C9orf153: variants seen among roughly 807,000 people sequenced by gnomAD.
The protein encoded by C9orf153 is uncharacterized protein C9orf153.
C9orf153 carries 10 observed loss-of-function variants against 9.0 expected under a neutral mutation model. The observed-to-expected ratio is 1.11, with a 90% CI of 0.69 to 1.89. C9orf153 has a LOEUF of 1.89. Ranked by LOEUF, C9orf153 falls within the 40% of genes most tolerant of loss-of-function variation. The pLI is 0.00. For synonymous variants in C9orf153, 35 were observed against 37.3 expected (o/e 0.94, Z 0.23); for missense variants, 108 against 111.0 (o/e 0.97, Z 0.12).
rs891088787 is a variant in C9orf153, at chr9:86,228,024, C to A, written c.73G>T (p.Glu25Ter). ...EATLPQCSLP[E>*]LYACIENFNK... ...AAATTCTCAATACATGCATATAATT[C>A]TGGAAGCTGTGGACAAAAAAAAAAG... The change falls in exon 3 of 4, where the codon GAA becomes TAA. Residue 25 changes from glutamate to a stop codon, truncating the protein, a stop_gained. Coordinates refer to ENST00000339137, the MANE Select transcript of C9orf153 (RefSeq NM_001276366.4). LOFTEE classifies it high-confidence loss of function. 1 of 1,593,258 alleles carries A rather than the reference C, an allele frequency of 6.3e-7. No homozygotes were observed. The highest frequency in any genetic ancestry group is 1.4e-5 in the African/African-American group (1 of 73,970).
chr9:86,237,004 A>C (rs1824611489), intron 1 of C9orf153, among the ~76,000 whole-genome samples: 1 of 151,872 alleles, frequency 6.6e-6, no homozygotes, highest in Non-Finnish European at 1.5e-5. Context: ...GCTTATTATA[A>C]AATGAAACAA....
At chr9:86,223,937 G>A (rs1383803501) in intron 3 of C9orf153, among the ~76,000 whole-genome samples, 1 of 152,204 alleles carries the variant, frequency 6.6e-6, no homozygotes, top group Non-Finnish European at 1.5e-5. Context: ...GGAGGATGGA[G>A]AGAGATAAGT....
intron 2 of C9orf153, chr9:86,228,665 A>G (rs1824394981): frequency 6.6e-6 from 1 of 152,408 alleles, no homozygotes; most frequent in Non-Finnish European, 1.5e-5. Flanking sequence ...TACAAATCCT[A>G]TCCTTTCTAA....
intron 1 of C9orf153, among the ~76,000 whole-genome samples, chr9:86,243,092 A>T: frequency 6.6e-6 from 1 of 152,124 alleles, no homozygotes; most frequent in Non-Finnish European, 1.5e-5. Flanking sequence ...TACAGAAAGC[A>T]TGTGTTCCTT....
intron 2 of C9orf153, 57 bp from the exon 3 acceptor site, chr9:86,228,087 G>T: frequency 7.7e-7 from 1 of 1,301,128 alleles, no homozygotes. Flanking sequence ...TAATATTCTG[G>T]CAGACCTACA....
At chr9:86,253,144 A>G (rs1825031824) in intron 1 of C9orf153, among the ~76,000 whole-genome samples, 1 of 152,242 alleles carries the variant, frequency 6.6e-6, no homozygotes, top group Non-Finnish European at 1.5e-5. Context: ...AAATTCAATA[A>G]GAACCCGTTT....
chr9:86,254,580 C>G (rs919408235), intron 1 of C9orf153, among the ~76,000 whole-genome samples: 1 of 152,190 alleles, frequency 6.6e-6, no homozygotes, highest in African/African-American at 2.4e-5. Context: ...ACTTCAGAAA[C>G]TCTAGAACAG....
At chr9:86,246,807 T>G (rs1046868421) in intron 1 of C9orf153, among the ~76,000 whole-genome samples, 1 of 152,200 alleles carries the variant, frequency 6.6e-6, no homozygotes, top group African/African-American at 2.4e-5. Flanking sequence ...TACCCCACTC[T>G]CAGTTCTGTG....
At chr9:86,228,465 T>C (rs1824390390) in intron 2 of C9orf153, among the ~76,000 whole-genome samples, 1 of 152,166 alleles carries the variant, frequency 6.6e-6, no homozygotes, top group African/African-American at 2.4e-5. Flanking sequence ...CAGAGCTTCA[T>C]CCTGTTGTCC....
chr9:86,248,482 G>A (rs532773945), intron 1 of C9orf153, among the ~76,000 whole-genome samples: 9 of 152,214 alleles, frequency 5.9e-5, no homozygotes, highest in African/African-American at 2.2e-4. Context: ...GCGCAGGTTT[G>A]TTACATGAGT....
At chr9:86,227,017 C>T (rs538343364) in intron 3 of C9orf153, among the ~76,000 whole-genome samples, 129 of 152,310 alleles carry the variant, frequency 8.5e-4, no homozygotes, top group South Asian at 1.9e-3. Context: ...CTGCCCGCCT[C>T]GGTCTCCCAA....
intron 1 of C9orf153, among the ~76,000 whole-genome samples, chr9:86,235,741 CAAAAAAAAAAAA>C (rs60165641): frequency 1.8e-4 from 4 of 22,052 alleles, no homozygotes; most frequent in South Asian, 7.6e-3. Context: ...GACTCCATCT[CAAAAAAAAAAAA>C]AAAAAAAAAA....
chr9:86,254,172 G>GA (rs977480500), intron 1 of C9orf153, among the ~76,000 whole-genome samples: 3 of 151,876 alleles, frequency 2.0e-5, no homozygotes, highest in Non-Finnish European at 4.4e-5. Flanking sequence ...TAGAAATGGG[G>GA]AACTGCAGAG....
chr9:86,257,525 C>G (rs1283974220), intron 1 of C9orf153, among the ~76,000 whole-genome samples: 1 of 152,188 alleles, frequency 6.6e-6, no homozygotes, highest in Admixed American at 6.5e-5. Flanking sequence ...CCTGCCTGGT[C>G]TTTCCCCAAA....
intron 1 of C9orf153, among the ~76,000 whole-genome samples, chr9:86,254,285 G>A (rs1825062374): frequency 6.6e-6 from 1 of 152,084 alleles, no homozygotes; most frequent in Non-Finnish European, 1.5e-5. Flanking sequence ...TGGACTGAAT[G>A]CTGAATTCTT....
At chr9:86,230,025 A>C (rs897848354) in intron 1 of C9orf153, among the ~76,000 whole-genome samples, 5 of 152,156 alleles carry the variant, frequency 3.3e-5, no homozygotes, top group Non-Finnish European at 7.4e-5. Flanking sequence ...TGAGAACAGC[A>C]AGGGGAAATC....
chr9:86,252,457 C>T (rs1439570828), intron 1 of C9orf153, among the ~76,000 whole-genome samples: 3 of 152,272 alleles, frequency 2.0e-5, no homozygotes, highest in South Asian at 4.1e-4. Flanking sequence ...TTACAGTGAC[C>T]TGTTATCCTA....
chr9:86,247,353 C>T (rs1404054390), intron 1 of C9orf153, among the ~76,000 whole-genome samples: 1 of 152,092 alleles, frequency 6.6e-6, no homozygotes, highest in African/African-American at 2.4e-5. Flanking sequence ...TATCTTCTAA[C>T]CTTTCTATTT....
At chr9:86,243,987 T>C (rs1824808587) in intron 1 of C9orf153, among the ~76,000 whole-genome samples, 1 of 152,108 alleles carries the variant, frequency 6.6e-6, no homozygotes, top group African/African-American at 2.4e-5. Context: ...GTGTACAAGT[T>C]GAGTTTAATT....
Sources: allele counts gnomAD v4.1 joint callset (sites outside exome capture counted in the v4.1 genomes callset), GRCh38; gene constraint gnomAD v4.1.1; transcripts MANE v1.5; gene names NCBI Gene and HGNC (gene_info 2026-07-23, HGNC 2026-07-21).